Variants in TOPBP1 observed in about 807,000 individuals in gnomAD.
The protein encoded by TOPBP1 is DNA topoisomerase 2-binding protein 1.
A neutral mutation model predicts 167.7 loss-of-function variants in TOPBP1; 28 were observed. That is an observed-to-expected ratio of 0.17 (90% CI 0.12 to 0.23). TOPBP1 has a LOEUF of 0.23. Ranked by LOEUF, TOPBP1 falls within the 10% of genes least tolerant of loss-of-function variation. The pLI, the probability that TOPBP1 is intolerant of heterozygous loss-of-function variation, is 1.00. For synonymous variants in TOPBP1, 598 were observed against 611.4 expected (o/e 0.98, Z 0.32); for missense variants, 1,554 against 1,809.6 (o/e 0.86, Z 2.56).
At chr3:133,624,030 G>A in intron 17 of TOPBP1, 22 bp downstream of exon 17, 1 of 1,603,512 alleles carries the variant, frequency 6.2e-7, no homozygotes, top group South Asian at 1.1e-5. Flanking sequence ...ACAGAGATGG[G>A]GGGGAAAAAA....
Position 133,649,415 on chromosome 3 carries a change from A to G in TOPBP1, c.1472T>C (p.Leu491Pro). The G allele has an allele frequency of 6.2e-7, 1 of 1,613,668 alleles. No homozygotes were observed. The highest frequency in any genetic ancestry group is 8.5e-7 in the Non-Finnish European group (1 of 1,179,854). ...GGAGCTACCATTTTCATATTGAGAG[A>G]GCAGATCTTCATCAGCTTGCTCATG... ...EKHEQADEDL[L>P]SQYENGSSTV... Residue 491 changes from leucine to proline, a missense_variant, in exon 10 of 28, where the codon CTC (leucine) becomes CCC (proline). Physicochemically the swap from Leu to Pro is moderately conservative, Grantham distance 98. Coordinates refer to ENST00000260810, the MANE Select transcript of TOPBP1 (RefSeq NM_007027.4).
At chr3:133,651,686 A>T (rs1350085511) in intron 8 of TOPBP1, among the ~76,000 whole-genome samples, 1 of 152,186 alleles carries the variant, frequency 6.6e-6, no homozygotes, top group Non-Finnish European at 1.5e-5. Context: ...AAATAACCCA[A>T]GAAATACCAA....
At chr3:133,628,150 TAAAA>T in intron 16 of TOPBP1, 1 of 528,250 alleles carries the variant, frequency 1.9e-6, no homozygotes, top group Non-Finnish European at 3.3e-6. Flanking sequence ...GTGCATACCC[TAAAA>T]AATATACATT....
intron 16 of TOPBP1, among the ~76,000 whole-genome samples, chr3:133,626,475 T>TA (rs1054519480): frequency 1.2e-4 from 19 of 152,172 alleles, no homozygotes; most frequent in East Asian, 1.9e-4. Flanking sequence ...TTCACGTATG[T>TA]AAAAAAAAGT....
chr3:133,618,354 T>G lies in TOPBP1; in HGVS notation c.3451A>C (p.Arg1151=), dbSNP rs753690745. Reference sequence around the variant, plus strand: ...CTGGCAAGCCTTGCTCTCTCCTCCCTTGCTGTAGGGTCATCCCAAATGATC... The same window carrying G: ...CTGGCAAGCCTTGCTCTCTCCTCCCGTGCTGTAGGGTCATCCCAAATGATC... ...EQIIWDDPTA[R]EERARLASNL... is the part of the protein sequence containing the mutation. The change falls in exon 21 of 28, where the codon AGG becomes CGG. Residue 1151 remains arginine, a synonymous_variant. Coordinates refer to ENST00000260810, the MANE Select transcript of TOPBP1 (RefSeq NM_007027.4). The G allele has an allele frequency of 1.1e-5, 17 of 1,613,870 alleles. No individual in the cohort carries two copies. Among genetic ancestry groups the G allele is most frequent in the Admixed American group, 8.3e-5 (5 of 60,004 alleles).
chr3:133,639,312 G>C (rs1170695094), intron 13 of TOPBP1, among the ~76,000 whole-genome samples: 4 of 152,100 alleles, frequency 2.6e-5, no homozygotes, highest in African/African-American at 9.7e-5. Context: ...TCCTTTGTCG[G>C]GACATGGATG....
rs140811605 is a variant in TOPBP1 at position 133,644,104 on chromosome 3, T to C, written c.1764A>G (p.Arg588=). ...NAGKIMSLLS[R]TVADYAVVPL... The stretch of plus-strand genomic sequence containing the variant: ...GAACCACAGCATAATCCGCAACAGT[T>C]CTGCTCAGAAGGGACATGATTTTCC... Residue 588 remains arginine, a synonymous_variant, in exon 11 of 28, where the codon AGA becomes AGG. Transcript: ENST00000260810. The C allele has an allele frequency of 4.7e-4, 758 of 1,613,982 alleles. 1 individual carries two copies. The African/African-American group carries it at 8.8e-3, about 19-fold the overall frequency.
intron 16 of TOPBP1, among the ~76,000 whole-genome samples, chr3:133,627,732 A>C (rs1308434848): frequency 6.6e-6 from 1 of 152,226 alleles, no homozygotes; most frequent in East Asian, 1.9e-4. Flanking sequence ...CTAGTGGAGG[A>C]GTACAGTCAA....
In TOPBP1 at chr3:133,659,088, C is replaced by T. The variant is rs1195533028; in HGVS notation, c.147G>A (p.Lys49=). Residue 49 remains lysine (K), a synonymous_variant, in exon 3 of 28, where the codon AAG becomes AAA. Coordinates refer to ENST00000260810, the MANE Select transcript of TOPBP1 (RefSeq NM_007027.4). Reference sequence around the variant, plus strand: ...AAAGTGATCTATCATTCTCCTTTATCTTCAATGCCTCTTCTTCTGTAATAA... The same window carrying T: ...AAAGTGATCTATCATTCTCCTTTATTTTCAATGCCTCTTCTTCTGTAATAA... ...LQIITEEEAL[K]IKENDRSLYI... The T allele has an allele frequency of 8.2e-6, 13 of 1,591,428 alleles. No individual in the cohort carries two copies. The highest frequency in any genetic ancestry group is 1.1e-5 in the South Asian group (1 of 87,542).
intron 16 of TOPBP1, among the ~76,000 whole-genome samples, chr3:133,625,414 T>C (rs1935235719): frequency 6.6e-6 from 1 of 152,236 alleles, no homozygotes; most frequent in African/African-American, 2.4e-5. Flanking sequence ...GGAATATCTC[T>C]GAGCTTTTTA....
Position 133,601,286 on chromosome 3 carries a change from T to C in TOPBP1, c.4533A>G (p.Thr1511=). 2.5e-6 allele frequency: 4 copies of C among 1,607,632 alleles called. No homozygotes were observed. The highest frequency in any genetic ancestry group is 3.4e-6 in the Non-Finnish European group (4 of 1,178,106). Residue 1511 remains threonine, a synonymous_variant, in exon 28 of 28, where the codon ACA becomes ACG. Coordinates refer to ENST00000260810, the MANE Select transcript of TOPBP1 (RefSeq NM_007027.4). ...TGLSQKRKAP[T]EKNKIKRPRV... is the part of the protein sequence containing the mutation. Reference sequence around the variant, plus strand: ...TAGGTCGTTTGATTTTATTTTTTTCTGTAGGAGCTTTCCTCTTTTGTGATA... The same window carrying C: ...TAGGTCGTTTGATTTTATTTTTTTCCGTAGGAGCTTTCCTCTTTTGTGATA...
intron 10 of TOPBP1, among the ~76,000 whole-genome samples, 155 bp from the exon 11 acceptor site, chr3:133,644,518 G>GAAAA (rs1936014110): frequency 1.3e-5 from 2 of 152,192 alleles, no homozygotes; most frequent in East Asian, 1.9e-4. Flanking sequence ...GATTCACCCC[G>GAAAA]TCTTCGGGGT....
chr3:133,652,679 T>C (rs1445194560), intron 7 of TOPBP1, 50 bp from the exon 8 acceptor site: 2 of 1,443,270 alleles, frequency 1.4e-6, no homozygotes, highest in Admixed American at 4.2e-5. Flanking sequence ...ATAATCATGA[T>C]TACATATTGT....
At chr3:133,653,629 A>T (rs115906874) in intron 6 of TOPBP1, 105 bp from the exon 7 acceptor site, 122 of 773,288 alleles carry the variant, frequency 1.6e-4, no homozygotes, top group African/African-American at 8.5e-4. Context: ...ACAGGTTAAT[A>T]TTTTTTTTTT....
chr3:133,629,626 AG>A (rs1457996022), intron 14 of TOPBP1, among the ~76,000 whole-genome samples: 2 of 152,208 alleles, frequency 1.3e-5, no homozygotes, highest in Non-Finnish European at 2.9e-5. Context: ...TCATGAGCAA[AG>A]TATGAGTGTG....
intron 10 of TOPBP1, among the ~76,000 whole-genome samples, chr3:133,647,023 T>C (rs997127171): frequency 6.6e-6 from 1 of 152,208 alleles, no homozygotes; most frequent in African/African-American, 2.4e-5. Flanking sequence ...ACACAAGAGA[T>C]AGGAGCCAAT....
chr3:133,634,603 A>G (rs1331060727), intron 14 of TOPBP1, among the ~76,000 whole-genome samples: 4 of 152,252 alleles, frequency 2.6e-5, no homozygotes, highest in African/African-American at 7.2e-5. Context: ...TAATTTAATT[A>G]GATTGGCATC....
intron 1 of TOPBP1, 30 bp from the exon 2 acceptor site, chr3:133,661,164 A>T (rs1936697526): frequency 6.7e-7 from 1 of 1,496,664 alleles, no homozygotes; most frequent in Non-Finnish European, 9.0e-7. Flanking sequence ...ATTAACAAGA[A>T]CAAAACCACA....
chr3:133,659,647 C>T (rs973776121), intron 2 of TOPBP1, among the ~76,000 whole-genome samples: 1 of 152,178 alleles, frequency 6.6e-6, no homozygotes, highest in Non-Finnish European at 1.5e-5. Context: ...GACTTAATCC[C>T]CCACTTCAAT....
Sources: allele counts gnomAD v4.1 joint callset (sites outside exome capture counted in the v4.1 genomes callset), GRCh38; gene constraint gnomAD v4.1.1; transcripts MANE v1.5; gene names NCBI Gene and HGNC (gene_info 2026-07-23, HGNC 2026-07-21).